CPQ: variants seen among roughly 807,000 people sequenced by gnomAD.
CPQ encodes the protein Ser-Met dipeptidase.
Under a neutral mutation model 45.7 loss-of-function variants are expected in CPQ, and 37 were observed. The ratio of observed to expected loss-of-function variants is 0.81; its 90% confidence interval spans 0.62 to 1.07. The LOEUF (loss-of-function observed/expected upper bound fraction) is 1.07, where lower values mean the gene tolerates loss of function less well. Among genes scored for constraint, CPQ ranks in the 50% least tolerant of loss-of-function variants. The probability of loss-of-function intolerance (pLI) is 0.00; values close to 1 mark genes in which losing one functional copy is unlikely to be tolerated. For missense variants in CPQ, 537 were observed against 572.9 expected (o/e 0.94, Z 0.64); for synonymous variants, 186 against 205.8 (o/e 0.90, Z 0.82).
rs71267281 is a variant in CPQ at position 96,787,525 on chromosome 8, C to CTTTTTTTTTTTTTTTTTTTTTTTTTT, written c.433+2200_433+2225dup. 2.0e-3 allele frequency among the ~76,000 whole-genome samples: 93 copies of CTTTTTTTTTTTTTTTTTTTTTTTTTT among 47,590 alleles called. 35 individuals carry two copies. The highest frequency in any genetic ancestry group is 4.5e-3 in the East Asian group (4 of 894). 31.2% of individuals were successfully genotyped at this position (47,590 alleles called of 152,430 possible). ...TTGTAGTTTCATTTTCTTATAATGT[C>CTTTTTTTTTTTTTTTTTTTTTTTTTT]TTTTTTTTTTTTTTTTTTTTTTTTT... is the stretch of plus-strand genomic sequence containing the variant. On this transcript the variant is annotated intron_variant, in intron 2 of 7. Transcript: ENST00000220763.
chr8:96,844,993 T>G (rs1440002096), intron 3 of CPQ, among the ~76,000 whole-genome samples: 3 of 152,224 alleles, frequency 2.0e-5, no homozygotes, highest in Non-Finnish European at 4.4e-5. Context: ...CAGCAAATAT[T>G]CTATTTCAAA....
At chr8:96,740,445 A>C (rs1016350544) in intron 1 of CPQ, among the ~76,000 whole-genome samples, 30 of 151,754 alleles carry the variant, frequency 2.0e-4, no homozygotes, top group African/African-American at 7.0e-4. Flanking sequence ...CTAATTGAAT[A>C]CCCTTTATTT....
intron 2 of CPQ, among the ~76,000 whole-genome samples, chr8:96,834,310 T>C (rs1161741538): frequency 6.6e-6 from 1 of 152,184 alleles, no homozygotes; most frequent in East Asian, 1.9e-4. Flanking sequence ...AAGTTTTTAT[T>C]TGAAAAATAA....
chr8:96,903,278 C>G (rs2130898550), intron 4 of CPQ, among the ~76,000 whole-genome samples: 1 of 152,266 alleles, frequency 6.6e-6, no homozygotes, highest in Non-Finnish European at 1.5e-5. Context: ...TGGGTCTGGA[C>G]TAAAAAGTGG....
intron 4 of CPQ, among the ~76,000 whole-genome samples, chr8:96,964,889 T>C (rs1813529254): frequency 6.6e-6 from 1 of 152,176 alleles, no homozygotes; most frequent in Admixed American, 6.5e-5. Flanking sequence ...ATACATTTTT[T>C]TTCAAACCAA....
chr8:97,044,661 T>G (rs2130496035), intron 6 of CPQ, among the ~76,000 whole-genome samples: 1 of 152,338 alleles, frequency 6.6e-6, no homozygotes, highest in South Asian at 2.1e-4. Context: ...GATGGGTTTT[T>G]GGTGTGGATG....
At chr8:96,973,953 AAC>A (rs1439242643) in intron 5 of CPQ, among the ~76,000 whole-genome samples, 3 of 152,194 alleles carry the variant, frequency 2.0e-5, no homozygotes, top group Non-Finnish European at 4.4e-5. Flanking sequence ...ACAGAACAAT[AAC>A]ACAGTGGAAA....
At position 96,926,368 on chromosome 8, in the gene CPQ, G is replaced by A. The variant is rs372782152; in HGVS notation, c.850-39567G>A. 5.9e-5 allele frequency among the ~76,000 whole-genome samples: 9 copies of A among 152,262 alleles called. No homozygotes were observed. In the South Asian group the frequency reaches 1.7e-3, roughly 28 times the overall value. On this transcript the variant is annotated intron_variant, in intron 4 of 7. Coordinates refer to ENST00000220763, the MANE Select transcript of CPQ (RefSeq NM_016134.4). ...GTCTCTATCACTTTGGGGTGGGGCT[G>A]GGAGTGAGGGAATCTTTCTAACAAG...
At chr8:96,873,714 G>T (rs566980149) in intron 3 of CPQ, among the ~76,000 whole-genome samples, 1 of 151,588 alleles carries the variant, frequency 6.6e-6, no homozygotes, top group South Asian at 2.1e-4. Flanking sequence ...ACATTCCAAG[G>T]CTTTAAACTA....
intron 7 of CPQ, among the ~76,000 whole-genome samples, chr8:97,088,900 A>T (rs993619110): frequency 1.3e-5 from 2 of 152,190 alleles, no homozygotes; most frequent in Non-Finnish European, 2.9e-5. Context: ...CTAAAATAGG[A>T]AGTCCAAGCT....
chr8:97,130,781 GCTT>G (rs745350310), intron 7 of CPQ, among the ~76,000 whole-genome samples: 23 of 152,182 alleles, frequency 1.5e-4, no homozygotes, highest in Non-Finnish European at 2.8e-4. Flanking sequence ...TTCCCAGGCT[GCTT>G]CTTAACACAT....
At chr8:96,824,245 A>G (rs1380570884) in intron 2 of CPQ, among the ~76,000 whole-genome samples, 1 of 152,052 alleles carries the variant, frequency 6.6e-6, no homozygotes, top group Non-Finnish European at 1.5e-5. Flanking sequence ...ACTACCAACC[A>G]CACTATGTGA....
At chr8:97,031,226 G>A (rs1250622215) in intron 6 of CPQ, among the ~76,000 whole-genome samples, 1 of 117,604 alleles carries the variant, frequency 8.5e-6, no homozygotes, top group East Asian at 2.5e-4. Context: ...TCACTTTGTT[G>A]CCCAGGCTGG....
Position 96,757,204 on chromosome 8 carries a change from A to AGCTG in CPQ, c.-34-27658_-34-27655dup, listed in dbSNP as rs574884370. ...CTGTGCTAGAAATACAAAAATACTT[A>AGCTG]GCTGGGCGTCGTGGCGCATGCCTCT... On this transcript the variant is annotated intron_variant, in intron 1 of 7. Coordinates refer to ENST00000220763, the MANE Select transcript of CPQ (RefSeq NM_016134.4). 1.4e-3 allele frequency among the ~76,000 whole-genome samples: 214 copies of AGCTG among 152,042 alleles called. 4 individuals carry two copies. Among genetic ancestry groups the AGCTG allele is most frequent in the Admixed American group, 0.011 (166 of 15,274 alleles).
chr8:97,004,505 A>T (rs1809345577), intron 5 of CPQ, among the ~76,000 whole-genome samples: 1 of 152,130 alleles, frequency 6.6e-6, no homozygotes, highest in African/African-American at 2.4e-5. Flanking sequence ...TACTGTATAC[A>T]TCAAGAGCTA....
At chr8:97,091,787 G>A (rs997692045) in intron 7 of CPQ, among the ~76,000 whole-genome samples, 4 of 151,960 alleles carry the variant, frequency 2.6e-5, no homozygotes, top group Non-Finnish European at 5.9e-5. Context: ...GAAATTATAA[G>A]GAAGACCAAA....
intron 5 of CPQ, among the ~76,000 whole-genome samples, chr8:96,992,222 G>T (rs932558782): frequency 5.9e-5 from 9 of 152,204 alleles, no homozygotes; most frequent in Non-Finnish European, 1.3e-4. Context: ...CAATGGTACT[G>T]TACTAAATGT....
intron 6 of CPQ, among the ~76,000 whole-genome samples, chr8:97,044,575 T>C (rs77579027): frequency 2.0e-5 from 3 of 152,356 alleles, no homozygotes; most frequent in African/African-American, 7.2e-5. Context: ...TTTTAGAGTT[T>C]CCAGTTTTTC....
Position 96,809,297 on chromosome 8 carries a change from C to T in CPQ, c.433+23967C>T, listed in dbSNP as rs528646594. ...CAAAGGCTTATAGGTGAATATTCAC[C>T]GTAGTTTTATTCATCATAGCTAAAA... On this transcript the variant is annotated intron_variant, in intron 2 of 7. Transcript: ENST00000220763. Among the ~76,000 whole-genome samples, 94 of 152,080 alleles carry T rather than the reference C, an allele frequency of 6.2e-4. 1 individual carries two copies. Among genetic ancestry groups the T allele is most frequent in the Middle Eastern group, 3.4e-3 (1 of 294 alleles).
Sources: allele counts gnomAD v4.1 joint callset (sites outside exome capture counted in the v4.1 genomes callset), GRCh38; gene constraint gnomAD v4.1.1; transcripts MANE v1.5; gene names NCBI Gene and HGNC (gene_info 2026-07-23, HGNC 2026-07-21).